The following FHIT variants were observed in gnomAD, a reference collection of about 807,000 sequenced individuals.
FHIT encodes bis(5'-adenosyl)-triphosphatase.
FHIT carries 19 observed loss-of-function variants against 17.9 expected under a neutral mutation model. That is an observed-to-expected ratio of 1.06 (90% CI 0.74 to 1.56). The LOEUF (loss-of-function observed/expected upper bound fraction) is 1.56. Ranked by LOEUF, FHIT falls within the 40% of genes most tolerant of loss-of-function variation. The pLI is 0.00. For missense variants in FHIT, 248 were observed against 189.2 expected, an observed-to-expected ratio of 1.31 and a Z score of -1.82; for synonymous variants, 81 against 69.7, an observed-to-expected ratio of 1.16 and a Z score of -0.81.
intron 3 of FHIT, among the ~76,000 whole-genome samples, chr3:60,886,131 T>C (rs530407673): frequency 6.6e-6 from 1 of 152,334 alleles, no homozygotes; most frequent in South Asian, 2.1e-4. Context: ...CCTTATGTAA[T>C]ATCGAATCCA....
At chr3:60,905,754 A>C (rs1224197486) in intron 3 of FHIT, among the ~76,000 whole-genome samples, 1 of 152,228 alleles carries the variant, frequency 6.6e-6, no homozygotes, top group Non-Finnish European at 1.5e-5. Flanking sequence ...CTTCTGTATA[A>C]AAAGGAAGCG....
intron 5 of FHIT, among the ~76,000 whole-genome samples, chr3:60,427,960 G>A (rs1405760999): frequency 6.6e-6 from 1 of 152,010 alleles, no homozygotes; most frequent in Non-Finnish European, 1.5e-5. Flanking sequence ...TTCCTCTCCT[G>A]TTTCCATTAG....
chr3:60,097,078 C>A (rs1401825606), intron 5 of FHIT, among the ~76,000 whole-genome samples: 2 of 149,254 alleles, frequency 1.3e-5, no homozygotes, highest in Non-Finnish European at 3.0e-5. Flanking sequence ...GAATTAGGGT[C>A]TCCATGTAGA....
At chr3:59,790,845 G>A (rs1015234866) in intron 8 of FHIT, among the ~76,000 whole-genome samples, 3 of 152,068 alleles carry the variant, frequency 2.0e-5, no homozygotes, top group Admixed American at 6.6e-5. Flanking sequence ...TGGTTGGTAG[G>A]TGCTAAGTAA....
intron 3 of FHIT, among the ~76,000 whole-genome samples, chr3:60,843,636 C>G (rs1702816899): frequency 6.6e-6 from 1 of 152,054 alleles, no homozygotes; most frequent in African/African-American, 2.4e-5. Context: ...AACTAGAAAA[C>G]TTACCTATTG....
At chr3:61,037,580 T>G (rs907283920) in intron 3 of FHIT, among the ~76,000 whole-genome samples, 1 of 152,196 alleles carries the variant, frequency 6.6e-6, no homozygotes, top group African/African-American at 2.4e-5. Context: ...TAATTCCCAG[T>G]GCAACAGAGG....
intron 5 of FHIT, among the ~76,000 whole-genome samples, chr3:60,035,188 A>G (rs1701164233): frequency 6.6e-6 from 1 of 152,188 alleles, no homozygotes; most frequent in African/African-American, 2.4e-5. Context: ...CTAGAAGGAT[A>G]CCAAGGTCCA....
At chr3:60,692,284 G>T (rs1388936421) in intron 4 of FHIT, among the ~76,000 whole-genome samples, 1 of 152,116 alleles carries the variant, frequency 6.6e-6, no homozygotes, top group Non-Finnish European at 1.5e-5. Context: ...TTAGTAAGCA[G>T]GATAATGGTC....
At chr3:60,259,935 G>C (rs1706207219) in intron 5 of FHIT, among the ~76,000 whole-genome samples, 1 of 152,068 alleles carries the variant, frequency 6.6e-6, no homozygotes, top group Admixed American at 6.6e-5. Flanking sequence ...GGGAAAGCAA[G>C]AGGCTGGGAC....
At chr3:59,805,406 A>G (rs953060707) in intron 8 of FHIT, among the ~76,000 whole-genome samples, 13 of 152,202 alleles carry the variant, frequency 8.5e-5, no homozygotes, top group African/African-American at 2.9e-4. Flanking sequence ...TAACAGAAGT[A>G]GGAAGGTCTT....
intron 4 of FHIT, among the ~76,000 whole-genome samples, chr3:60,655,460 G>A (rs1390674361): frequency 6.6e-6 from 1 of 152,170 alleles, no homozygotes; most frequent in Non-Finnish European, 1.5e-5. Context: ...AGCGAATAAA[G>A]TATAACTGGA....
At chr3:60,727,465 G>A (rs1191917811) in intron 4 of FHIT, among the ~76,000 whole-genome samples, 4 of 152,170 alleles carry the variant, frequency 2.6e-5, no homozygotes, top group African/African-American at 9.7e-5. Context: ...AGCAATAGAA[G>A]CAGATAGTGA....
chr3:61,122,829 C>T (rs957169103), intron 2 of FHIT, among the ~76,000 whole-genome samples: 7 of 152,120 alleles, frequency 4.6e-5, no homozygotes, highest in African/African-American at 1.7e-4. Flanking sequence ...GTTAGAATGG[C>T]TATCATTAAA....
At chr3:60,493,670 A>C (rs971647975) in intron 5 of FHIT, among the ~76,000 whole-genome samples, 3 of 152,122 alleles carry the variant, frequency 2.0e-5, no homozygotes, top group Non-Finnish European at 2.9e-5. Context: ...AAAAATCTCT[A>C]CTTTTGTTTT....
intron 3 of FHIT, among the ~76,000 whole-genome samples, chr3:60,891,864 A>C (rs915743248): frequency 2.0e-5 from 3 of 152,192 alleles, no homozygotes; most frequent in African/African-American, 7.2e-5. Context: ...GATCTTCATA[A>C]AGTTAAGTGA....
At chr3:60,229,772 G>T (rs1010561751) in intron 5 of FHIT, among the ~76,000 whole-genome samples, 7 of 152,168 alleles carry the variant, frequency 4.6e-5, no homozygotes, top group African/African-American at 1.7e-4. Context: ...TCATGGCCAG[G>T]CATTGAAGAC....
intron 4 of FHIT, among the ~76,000 whole-genome samples, chr3:60,735,655 T>C (rs1250570792): frequency 6.6e-6 from 1 of 152,208 alleles, no homozygotes; most frequent in Non-Finnish European, 1.5e-5. Context: ...TAAGAGATGA[T>C]AGAGACATAT....
chr3:61,094,123 A>AGTATGTGTGTGT (rs1553836697), intron 2 of FHIT, among the ~76,000 whole-genome samples: 4 of 150,170 alleles, frequency 2.7e-5, no homozygotes, highest in African/African-American at 9.8e-5. Context: ...AATGCAACCA[A>AGTATGTGTGTGT]GTGTGTGTGT....
intron 1 of FHIT, among the ~76,000 whole-genome samples, chr3:61,233,282 T>G (rs2040150725): frequency 6.6e-6 from 1 of 150,476 alleles, no homozygotes; most frequent in Non-Finnish European, 1.5e-5. Flanking sequence ...GAATTATTTA[T>G]CATAGTTAAG....
Sources: gnomAD v4.1 joint callset for allele counts (sites outside exome capture counted in the v4.1 genomes callset) on GRCh38, gnomAD v4.1.1 for gene constraint, MANE v1.5 for transcripts, NCBI Gene and HGNC (gene_info 2026-07-23, HGNC 2026-07-21) for gene names.